The following EPB41L3 variants were observed in gnomAD, a reference collection of about 807,000 sequenced individuals.
EPB41L3 encodes the protein erythrocyte membrane protein band 4.1 like 3, also known as band 4.1-like protein 3.
A neutral mutation model predicts 127.1 loss-of-function variants in EPB41L3; 57 were observed. The observed-to-expected ratio is 0.45, with a 90% CI of 0.36 to 0.56. The LOEUF (loss-of-function observed/expected upper bound fraction) is 0.56. EPB41L3 is among the 20% of genes least tolerant of loss of function. The pLI is 0.00. For missense variants in EPB41L3, 1,273 were observed against 1,372.2 expected, an observed-to-expected ratio of 0.93 and a Z score of 1.14; for synonymous variants, 572 against 549.5, an observed-to-expected ratio of 1.04 and a Z score of -0.57.
upstream of EPB41L3, chr18:5,544,066 C>T (rs1223137242): frequency 1.1e-5 from 11 of 985,380 alleles, no homozygotes; most frequent in Non-Finnish European, 1.3e-5. Context: ...TTGCAGGAGA[C>T]ACCGAGGCTC....
At chr18:5,580,070 T>A (rs944505170) in intron 3 of EPB41L3, among the ~76,000 whole-genome samples, 1 of 152,218 alleles carries the variant, frequency 6.6e-6, no homozygotes, top group African/African-American at 2.4e-5. Context: ...ACAATTATGA[T>A]GAAAGATGGC....
chr18:5,490,486 A>G (rs1224954767), intron 1 of EPB41L3, among the ~76,000 whole-genome samples: 1 of 152,192 alleles, frequency 6.6e-6, no homozygotes, highest in East Asian at 1.9e-4. Flanking sequence ...ACTAAATGCT[A>G]TATCTGGGTT....
intron 3 of EPB41L3, among the ~76,000 whole-genome samples, chr18:5,552,841 T>G (rs2093984373): frequency 6.6e-6 from 1 of 152,220 alleles, no homozygotes. Context: ...CAGGTTTTAC[T>G]ATCAGAGCCA....
At chr18:5,590,297 G>A (rs2094474493) in intron 3 of EPB41L3, among the ~76,000 whole-genome samples, 1 of 152,110 alleles carries the variant, frequency 6.6e-6, no homozygotes, top group East Asian at 1.9e-4. Context: ...GTAATCAGTA[G>A]CTCAGATAGT....
intron 3 of EPB41L3, chr18:5,567,541 G>A (rs1304224371): frequency 6.6e-6 from 1 of 151,856 alleles, no homozygotes; most frequent in Non-Finnish European, 1.5e-5. Flanking sequence ...TTTGTACCTC[G>A]AGTTTATTTG....
At position 5,392,508 on chromosome 18, in the gene EPB41L3, A is replaced by G. The variant is rs1393362743; in HGVS notation, c.*977T>C. On this transcript the variant is annotated 3_prime_UTR_variant, in exon 23 of 23. Coordinates refer to ENST00000341928, the MANE Select transcript of EPB41L3 (RefSeq NM_012307.5). ...GAAGGCTATTTATAACTAACACTAAATAGTTTTAATTACAGTGGAAATTCT... is the reference window on the plus strand; with the variant it reads ...GAAGGCTATTTATAACTAACACTAAGTAGTTTTAATTACAGTGGAAATTCT... 2 of 152,662 alleles carry G rather than the reference A, an allele frequency of 1.3e-5. No homozygotes were observed. Among genetic ancestry groups the G allele is most frequent in the African/African-American group, 4.8e-5 (2 of 41,460 alleles). The allele number at this position is 152,662 out of a possible 1,614,324, so 9.5% of individuals were successfully genotyped here.
Position 5,397,047 on chromosome 18 carries a change from CTACTAGT to C in EPB41L3, c.2841+4_2841+10del. Reference sequence around the variant, plus strand: ...ATTTTAGTGATAAAAGTAACATTTACTACTAGTTACCTCAAAATGAGGTTTTTGTTCC... The same window carrying C: ...ATTTTAGTGATAAAAGTAACATTTACTACCTCAAAATGAGGTTTTTGTTCC... On this transcript the variant is annotated splice_donor_5th_base_variant and intron_variant, in intron 18 of 22. Coordinates refer to ENST00000341928, the MANE Select transcript of EPB41L3 (RefSeq NM_012307.5). The surrounding 1 kb of genome is among the most constrained non-coding windows in gnomAD (Gnocchi z 4.1). 1 of 1,578,320 alleles carries C rather than the reference CTACTAGT, an allele frequency of 6.3e-7. No individual in the cohort carries two copies. Among genetic ancestry groups the C allele is most frequent in the Non-Finnish European group, 8.6e-7 (1 of 1,165,108 alleles).
intron 1 of EPB41L3, among the ~76,000 whole-genome samples, chr18:5,495,602 A>AT (rs926273415): frequency 1.4e-5 from 2 of 143,572 alleles, no homozygotes; most frequent in African/African-American, 5.3e-5. Context: ...CACTTGTCTG[A>AT]TTAAAAAAAA....
intron 12 of EPB41L3, among the ~76,000 whole-genome samples, chr18:5,419,388 G>A (rs2077198595): frequency 6.6e-6 from 1 of 152,296 alleles, no homozygotes; most frequent in South Asian, 2.1e-4. Flanking sequence ...CAGCTTTAGT[G>A]ACAGTTCTGA....
At chr18:5,481,497 C>T (rs1258662932) in intron 2 of EPB41L3, among the ~76,000 whole-genome samples, 2 of 152,226 alleles carry the variant, frequency 1.3e-5, no homozygotes, top group African/African-American at 4.8e-5. Context: ...AGGTGGCCAA[C>T]CAGCTTTCCC....
intron 3 of EPB41L3, among the ~76,000 whole-genome samples, chr18:5,549,774 G>A (rs1388081769): frequency 6.6e-6 from 1 of 152,032 alleles, no homozygotes; most frequent in African/African-American, 2.4e-5. Context: ...TGATCTAGGC[G>A]ACCAGTCCAT....
intron 3 of EPB41L3, among the ~76,000 whole-genome samples, chr18:5,564,056 T>C (rs1598997595): frequency 6.6e-6 from 1 of 152,132 alleles, no homozygotes; most frequent in African/African-American, 2.4e-5. Flanking sequence ...CAGATCTAAC[T>C]AAGTCTTGTA....
At chr18:5,591,307 T>G (rs1190860410) in intron 3 of EPB41L3, among the ~76,000 whole-genome samples, 1 of 151,912 alleles carries the variant, frequency 6.6e-6, no homozygotes. Context: ...AATTTATTTC[T>G]CACAGTTTTG....
intron 1 of EPB41L3, among the ~76,000 whole-genome samples, chr18:5,498,335 T>C (rs1291649577): frequency 7.2e-5 from 11 of 152,158 alleles, no homozygotes; most frequent in African/African-American, 1.2e-4. Flanking sequence ...GGCTCACGCC[T>C]GTAATTCCAA....
rs546300332 is a variant in EPB41L3 at position 5,475,152 on chromosome 18, A to G, written c.381+3089T>C. Reference sequence around the variant, plus strand: ...TCATATGAAAGCTTCCAGATCATTCACCATCCTATAATTCTCGCTGAATAT... The same window carrying G: ...TCATATGAAAGCTTCCAGATCATTCGCCATCCTATAATTCTCGCTGAATAT... On this transcript the variant is annotated intron_variant, in intron 3 of 22. Coordinates refer to ENST00000341928, the MANE Select transcript of EPB41L3 (RefSeq NM_012307.5). Among the ~76,000 whole-genome samples, 7 of 152,276 alleles carry G rather than the reference A, an allele frequency of 4.6e-5. No homozygotes were observed. The East Asian group carries it at 1.2e-3, about 25-fold the overall frequency.
intron 3 of EPB41L3, among the ~76,000 whole-genome samples, chr18:5,453,814 T>C (rs936822479): frequency 1.3e-5 from 2 of 152,204 alleles, no homozygotes; most frequent in Non-Finnish European, 2.9e-5. Flanking sequence ...TCGATCTATG[T>C]GTCTAAGAAG....
intron 3 of EPB41L3, among the ~76,000 whole-genome samples, chr18:5,468,613 C>T (rs1301404921): frequency 6.6e-6 from 1 of 152,240 alleles, no homozygotes; most frequent in African/African-American, 2.4e-5. Context: ...CTACCCACTC[C>T]AGGACTGCTC....
chr18:5,488,682 GA>G, intron 2 of EPB41L3: 2 of 267,564 alleles, frequency 7.5e-6, no homozygotes, highest in Non-Finnish European at 6.9e-6. Context: ...AGACTTGAAA[GA>G]AAAAGCAACC....
chr18:5,485,861 T>A (rs2089659889), intron 2 of EPB41L3, among the ~76,000 whole-genome samples: 1 of 152,068 alleles, frequency 6.6e-6, no homozygotes, highest in Non-Finnish European at 1.5e-5. Context: ...TGGAAAGATA[T>A]TCCATGCTCA....
Sources: allele counts gnomAD v4.1 joint callset (sites outside exome capture counted in the v4.1 genomes callset), GRCh38; gene constraint gnomAD v4.1.1; non-coding constraint Gnocchi (gnomAD v3.1); transcripts MANE v1.5; gene names NCBI Gene and HGNC (gene_info 2026-07-23, HGNC 2026-07-21).